Variants in KIAA1217 observed in about 807,000 individuals in gnomAD.
The protein encoded by KIAA1217 is KIAA1217, also known as sickle tail protein homolog.
Under a neutral mutation model 163.9 loss-of-function variants are expected in KIAA1217, and 88 were observed. That is an observed-to-expected ratio of 0.54 (90% confidence interval 0.45 to 0.64). The LOEUF is 0.64. Ranked by LOEUF, KIAA1217 falls within the 30% of genes least tolerant of loss-of-function variation. The pLI is 0.00. For synonymous variants in KIAA1217, 903 were observed against 923.1 expected (o/e 0.98, Z 0.39); for missense variants, 2,372 against 2,475.0 (o/e 0.96, Z 0.88).
At chr10:23,928,484 A>G (rs565815834) in intron 1 of KIAA1217, among the ~76,000 whole-genome samples, 1 of 152,264 alleles carries the variant, frequency 6.6e-6, no homozygotes, top group African/African-American at 2.4e-5. Context: ...ATAAATGTAT[A>G]TGGTCATTCA....
intron 1 of KIAA1217, among the ~76,000 whole-genome samples, chr10:24,210,988 A>G (rs754092597): frequency 2.0e-5 from 3 of 151,894 alleles, no homozygotes; most frequent in African/African-American, 4.8e-5. Flanking sequence ...TTTGGGATAT[A>G]CTTATGTTAA....
In KIAA1217 at chr10:24,495,291, G is replaced by A. The variant is rs965479211; in HGVS notation, c.1834+95G>A. On this transcript the variant is annotated intron_variant, in intron 8 of 20. Coordinates refer to ENST00000376454, the MANE Select transcript of KIAA1217 (RefSeq NM_019590.5). ...AATGTTTAACATTTCCCTAAGTCAC[G>A]TATTTGGTATGATGTCAGGGGATTC... 8.5e-5 allele frequency: 83 copies of A among 970,884 alleles called. 1 individual carries two copies. Among genetic ancestry groups the A allele is most frequent in the East Asian group, 7.0e-4 (28 of 39,750 alleles). The allele number at this position is 970,884 out of a possible 1,614,324, so 60.1% of individuals were successfully genotyped here. A position where few individuals can be genotyped will look rare whatever the true frequency, so the allele number is the denominator to read the frequency against.
intron 6 of KIAA1217, chr10:24,482,471 C>T (rs867988451): frequency 6.6e-5 from 10 of 152,318 alleles, no homozygotes; most frequent in South Asian, 2.1e-4. Flanking sequence ...AATGCAGAAT[C>T]GTGGGGTTCC....
chr10:23,827,425 G>A lies in KIAA1217; in HGVS notation c.-321+132191G>A, dbSNP rs16923922. 3.8e-3 allele frequency among the ~76,000 whole-genome samples: 582 copies of A among 152,218 alleles called. 9 individuals carry two copies. The highest frequency in any genetic ancestry group is 0.013 in the African/African-American group (537 of 41,522). Reference sequence around the variant, plus strand: ...TTGGACTTTGATGTCCCTTACTTTCGTGTTGATAGGGAACATGTGTAATTA... The same window carrying A: ...TTGGACTTTGATGTCCCTTACTTTCATGTTGATAGGGAACATGTGTAATTA... On this transcript the variant is annotated intron_variant, in intron 1 of 18. Transcript: ENST00000376462.
intron 2 of KIAA1217, among the ~76,000 whole-genome samples, chr10:24,294,184 T>G (rs2079428272): frequency 2.2e-5 from 1 of 44,482 alleles, no homozygotes; most frequent in Non-Finnish European, 3.9e-5. Context: ...CGAGACTCCG[T>G]CTCAAAAAAA....
chr10:24,484,241 ATTT>A lies in KIAA1217; in HGVS notation c.1679+10202_1679+10204del, dbSNP rs59233394. Among the ~76,000 whole-genome samples the A allele has an allele frequency of 7.6e-3, 573 of 75,058 alleles. 5 individuals carry two copies. The highest frequency in any genetic ancestry group is 0.026 in the African/African-American group (535 of 20,498). The allele number at this position is 75,058 out of a possible 152,430, so 49.2% of individuals were successfully genotyped here. The stretch of plus-strand genomic sequence containing the variant: ...TAGATATACATATATATATATATAT[ATTT>A]TTTTTTTTTTTTTTTTTTTTGAAAC... On this transcript the variant is annotated intron_variant, in intron 6 of 20. Transcript: ENST00000376454.
At chr10:24,249,884 T>C (rs968728021) in intron 2 of KIAA1217, among the ~76,000 whole-genome samples, 2 of 152,182 alleles carry the variant, frequency 1.3e-5, no homozygotes, top group Non-Finnish European at 2.9e-5. Context: ...CTCTAAGGTG[T>C]GCGCTGTGAA....
chr10:24,434,139 C>T (rs1352647028), intron 4 of KIAA1217, among the ~76,000 whole-genome samples: 4 of 146,058 alleles, frequency 2.7e-5, no homozygotes, highest in Admixed American at 2.1e-4. Context: ...TGGGTTCAAG[C>T]GATTCTCCTG....
intron 2 of KIAA1217, among the ~76,000 whole-genome samples, chr10:24,275,483 A>C (rs746953286): frequency 1.3e-5 from 2 of 152,014 alleles, no homozygotes; most frequent in African/African-American, 2.4e-5. Context: ...TTGTTGGGAA[A>C]CTCCAGTTGT....
At chr10:24,204,175 G>C (rs1316218613), upstream of KIAA1217, among the ~76,000 whole-genome samples, 2 of 152,170 alleles carry the variant, frequency 1.3e-5, no homozygotes, top group Admixed American at 1.3e-4. Context: ...AGGGAGATTT[G>C]AGTGTTGGTG....
rs1404271812 is a variant in KIAA1217, at chr10:24,302,273, G to A, written c.355-78596G>A. 2.0e-5 allele frequency among the ~76,000 whole-genome samples: 3 copies of A among 152,262 alleles called. No individual in the cohort carries two copies. The East Asian group carries it at 5.8e-4, about 29-fold the overall frequency. On this transcript the variant is annotated intron_variant, in intron 2 of 20. Coordinates refer to ENST00000376454, the MANE Select transcript of KIAA1217 (RefSeq NM_019590.5). Reference sequence around the variant, plus strand: ...GTATGACCTGCATTTCAAGAGACAGGCCAGGGGTTTGGATGTCCATCATGG... The same window carrying A: ...GTATGACCTGCATTTCAAGAGACAGACCAGGGGTTTGGATGTCCATCATGG...
At chr10:23,925,936 C>A (rs1843001610) in intron 1 of KIAA1217, among the ~76,000 whole-genome samples, 1 of 152,130 alleles carries the variant, frequency 6.6e-6, no homozygotes, top group Admixed American at 6.5e-5. Flanking sequence ...TATTCTGAGT[C>A]AAAGGGAATC....
intron 1 of KIAA1217, among the ~76,000 whole-genome samples, chr10:23,896,913 C>G (rs1412795255): frequency 6.6e-6 from 1 of 152,032 alleles, no homozygotes; most frequent in Non-Finnish European, 1.5e-5. Flanking sequence ...GTTAGAAACT[C>G]TAAGTGGACA....
At chr10:24,094,789 G>A (rs919323437) in intron 2 of KIAA1217, among the ~76,000 whole-genome samples, 1 of 152,218 alleles carries the variant, frequency 6.6e-6, no homozygotes. Context: ...ACTTAAGTCT[G>A]CAGAGGTTAC....
chr10:24,101,921 G>T lies in KIAA1217; in HGVS notation c.-171+94547G>T, dbSNP rs79829761. ...GGTGAAAAATAATTAATGGATATGG[G>T]ATTTCTTTGGGAGGTTATGAAAATA... On this transcript the variant is annotated intron_variant, in intron 2 of 18. Transcript: ENST00000376462. Among the ~76,000 whole-genome samples, 1,083 of 152,172 alleles carry T rather than the reference G, an allele frequency of 7.1e-3. 8 individuals are homozygous for T. The highest frequency in any genetic ancestry group is 0.024 in the African/African-American group (1,008 of 41,534).
chr10:24,474,110 C>T (rs373194102), intron 6 of KIAA1217, 50 bp downstream of exon 6: 23 of 1,373,062 alleles, frequency 1.7e-5, no homozygotes, highest in African/African-American at 2.9e-5. Flanking sequence ...CCATGTGTCA[C>T]TGTGGGCAGC....
chr10:24,533,153 A>C lies in KIAA1217; in HGVS notation c.3330A>C (p.Pro1110=). 3.1e-6 allele frequency: 5 copies of C among 1,613,758 alleles called. No homozygotes were observed. The highest frequency in any genetic ancestry group is 4.2e-6 in the Non-Finnish European group (5 of 1,179,924). ...PAEEPASAWT[P]SPPPVTTSSS... is the part of the protein sequence containing the mutation. ...AGGAGCCTGCTTCAGCCTGGACCCC[A>C]TCCCCACCGCCTGTCACCACCTCCT... The change falls in exon 16 of 21, where the codon CCA becomes CCC. Residue 1110 remains proline (P), a synonymous_variant. Coordinates refer to ENST00000376454, the MANE Select transcript of KIAA1217 (RefSeq NM_019590.5).
chr10:24,190,719 A>G (rs1297816045), intron 2 of KIAA1217, among the ~76,000 whole-genome samples: 1 of 152,128 alleles, frequency 6.6e-6, no homozygotes, highest in Admixed American at 6.5e-5. Flanking sequence ...TTTTCTTAAC[A>G]CCTTTCCATC....
At position 24,382,380 on chromosome 10, in the gene KIAA1217, A is replaced by C. The variant is rs548555268; in HGVS notation, c.553+1313A>C. Among the ~76,000 whole-genome samples the C allele has an allele frequency of 2.6e-5, 4 of 152,254 alleles. No homozygotes were observed. In the East Asian group the frequency reaches 7.7e-4, roughly 29 times the overall value. On this transcript the variant is annotated intron_variant, in intron 3 of 20. Transcript: ENST00000376454. The stretch of plus-strand genomic sequence containing the variant: ...ACCCTGATTTTAGTTCCTTTGCTGC[A>C]GATAATGACCCAAGCAGACTGAATT...
Sources: gnomAD v4.1 joint callset for allele counts (sites outside exome capture counted in the v4.1 genomes callset) on GRCh38, gnomAD v4.1.1 for gene constraint, MANE v1.5 for transcripts, NCBI Gene and HGNC (gene_info 2026-07-23, HGNC 2026-07-21) for gene names.